DIAPH2: variants seen among roughly 807,000 people sequenced by gnomAD.
DIAPH2 encodes the protein protein diaphanous homolog 2.
A neutral mutation model predicts 92.7 loss-of-function variants in DIAPH2; 35 were observed. The observed-to-expected ratio is 0.38, with a 90% CI of 0.29 to 0.50. DIAPH2 has a LOEUF of 0.50. Among genes scored for constraint, DIAPH2 ranks in the 20% least tolerant of loss-of-function variants. DIAPH2 has a pLI of 0.94. For missense variants in DIAPH2, 701 were observed against 819.5 expected, an observed-to-expected ratio of 0.86 and a Z score of 1.77; for synonymous variants, 301 against 280.4, an observed-to-expected ratio of 1.07 and a Z score of -0.73.
At chrX:97,395,585 C>T (rs921012650) in intron 25 of DIAPH2, among the ~76,000 whole-genome samples, 1 of 111,505 alleles carries the variant, frequency 9.0e-6, no homozygotes, top group South Asian at 3.8e-4. Flanking sequence ...GTTATTTTTT[C>T]CTGTAGCCTA....
At chrX:97,476,990 C>T (rs867421046) in intron 26 of DIAPH2, among the ~76,000 whole-genome samples, 832 of 63,386 alleles carry the variant, frequency 0.013, 17 homozygotes, top group African/African-American at 0.035. Flanking sequence ...TATATACACA[C>T]ACACACACAC....
chrX:97,306,066 C>T (rs907606341), intron 23 of DIAPH2, among the ~76,000 whole-genome samples: 1 of 109,934 alleles, frequency 9.1e-6, no homozygotes, highest in African/African-American at 3.3e-5. Flanking sequence ...AAAAACCTTC[C>T]GTACATCTGG....
intron 4 of DIAPH2, among the ~76,000 whole-genome samples, chrX:96,808,800 A>T (rs1364214842): frequency 8.9e-6 from 1 of 111,737 alleles, no homozygotes; most frequent in Non-Finnish European, 1.9e-5. Context: ...ACTACCTGTA[A>T]GTTCTTTTAC....
intron 24 of DIAPH2, among the ~76,000 whole-genome samples, chrX:97,362,176 G>A (rs1377951597): frequency 9.1e-6 from 1 of 109,690 alleles, no homozygotes. Flanking sequence ...AGGAGGCGGA[G>A]GTTGCAGTGA....
At chrX:97,019,466 C>G (rs1407031380) in intron 17 of DIAPH2, among the ~76,000 whole-genome samples, 1 of 110,437 alleles carries the variant, frequency 9.1e-6, no homozygotes, top group Non-Finnish European at 1.9e-5. Context: ...ACCTCACCAC[C>G]CAATACAAAA....
chrX:96,918,487 G>C lies in DIAPH2; in HGVS notation c.870-22G>C, dbSNP rs770231752. 12 of 1,051,608 alleles carry C rather than the reference G, an allele frequency of 1.1e-5. No homozygotes were observed. The East Asian group carries it at 3.7e-4, about 33-fold the overall frequency. The allele number at this position is 1,051,608 out of a possible 1,213,427, so 86.7% of individuals were successfully genotyped here. Reference sequence around the variant, plus strand: ...TGTATAAGAAGTATTTCTCATTTCTGTTTCTTCTTTTTTCTCTACAGTCTA... The same window carrying C: ...TGTATAAGAAGTATTTCTCATTTCTCTTTCTTCTTTTTTCTCTACAGTCTA... On this transcript the variant is annotated intron_variant, in intron 8 of 26. Coordinates refer to ENST00000324765, the MANE Select transcript of DIAPH2 (RefSeq NM_006729.5).
At chrX:97,510,281 G>T (rs2040543866) in intron 26 of DIAPH2, among the ~76,000 whole-genome samples, 1 of 111,426 alleles carries the variant, frequency 9.0e-6, no homozygotes, top group South Asian at 3.7e-4. Flanking sequence ...ATTTTTTCAT[G>T]TGTCTTTTGG....
chrX:97,234,689 C>A (rs758623074), intron 22 of DIAPH2, among the ~76,000 whole-genome samples: 1 of 111,784 alleles, frequency 8.9e-6, no homozygotes, highest in Admixed American at 9.5e-5. Context: ...ATTTCATATA[C>A]TTTTCATGTG....
intron 19 of DIAPH2, among the ~76,000 whole-genome samples, chrX:97,075,977 T>G (rs966391329): frequency 2.7e-5 from 3 of 111,928 alleles, no homozygotes; most frequent in African/African-American, 9.7e-5. Flanking sequence ...TGTTTAATCT[T>G]TCTAAACCTC....
chrX:96,912,439 A>T (rs947045297), intron 6 of DIAPH2, 37 bp downstream of exon 6: 1 of 1,199,045 alleles, frequency 8.3e-7, no homozygotes, highest in Non-Finnish European at 1.1e-6. Context: ...CACCAAAGGG[A>T]AAATGTTTCA....
rs1176019677 is a variant in DIAPH2, at chrX:96,758,135, T to A, written c.343-19T>A. 8.6e-7 allele frequency: 1 copy of A among 1,158,030 alleles called. No individual in the cohort carries two copies. The highest frequency in any genetic ancestry group is 1.2e-6 in the Non-Finnish European group (1 of 868,743). ...AGTGGAAATTTATCAATGCCCACAGTAAATGTTATCTCTTACAGGAGGACA... is the reference window on the plus strand; with the variant it reads ...AGTGGAAATTTATCAATGCCCACAGAAAATGTTATCTCTTACAGGAGGACA... On this transcript the variant is annotated intron_variant, in intron 3 of 26. Transcript: ENST00000324765.
At position 96,957,857 on chromosome X, in the gene DIAPH2, T is replaced by C. The variant is rs1341191802; in HGVS notation, c.1644T>C (p.Ile548=). 1 of 1,210,477 alleles carries C rather than the reference T, an allele frequency of 8.3e-7. No homozygotes were observed. Among genetic ancestry groups the C allele is most frequent in the South Asian group, 1.8e-5 (1 of 56,864 alleles). The change falls in exon 16 of 27, where the codon ATT becomes ATC. Residue 548 remains isoleucine, a synonymous_variant. Transcript: ENST00000324765. The stretch of plus-strand genomic sequence containing the variant: ...AAGTACTCTCAAGTTCATCAGGAAT[T>C]CCAGGTCCTCCTGCAGCACCTCCAT... ...QAQVLSSSSG[I]PGPPAAPPLP... is the part of the protein sequence containing the mutation.
At chrX:97,343,407 G>A (rs763032788) in intron 23 of DIAPH2, among the ~76,000 whole-genome samples, 1 of 111,914 alleles carries the variant, frequency 8.9e-6, no homozygotes, top group East Asian at 2.8e-4. Flanking sequence ...GGTGGCTCAC[G>A]CCTGTAATCC....
intron 23 of DIAPH2, among the ~76,000 whole-genome samples, chrX:97,253,622 C>T (rs933340552): frequency 2.4e-4 from 26 of 108,233 alleles, no homozygotes; most frequent in Admixed American, 1.2e-3. Context: ...TGGTGGTGCA[C>T]GCCTGTAATC....
At chrX:96,979,876 T>A (rs1162744494) in intron 17 of DIAPH2, among the ~76,000 whole-genome samples, 2 of 111,601 alleles carry the variant, frequency 1.8e-5, no homozygotes, top group Non-Finnish European at 3.8e-5. Context: ...AGCCAGCTGT[T>A]TTGGCTGGCT....
intron 4 of DIAPH2, among the ~76,000 whole-genome samples, chrX:96,820,602 G>A (rs2064771327): frequency 8.9e-6 from 1 of 112,672 alleles, no homozygotes; most frequent in Non-Finnish European, 1.9e-5. Flanking sequence ...ATTTATAGTT[G>A]ATTGGTTTTC....
intron 22 of DIAPH2, among the ~76,000 whole-genome samples, chrX:97,143,232 A>C (rs977349432): frequency 9.0e-6 from 1 of 111,228 alleles, no homozygotes; most frequent in African/African-American, 3.3e-5. Context: ...CATATTTACT[A>C]ACATGTGGCT....
At chrX:97,103,643 CT>C (rs2066920211) in intron 20 of DIAPH2, among the ~76,000 whole-genome samples, 1 of 112,036 alleles carries the variant, frequency 8.9e-6, no homozygotes, top group Admixed American at 9.5e-5. Context: ...CCCGCTACCA[CT>C]TTTGCCCTTC....
intron 22 of DIAPH2, among the ~76,000 whole-genome samples, chrX:97,170,708 TAAG>T (rs1188123038): frequency 9.0e-6 from 1 of 111,566 alleles, no homozygotes; most frequent in Non-Finnish European, 1.9e-5. Flanking sequence ...AGGAAAAACT[TAAG>T]AAAATATTTT....
Sources: gnomAD v4.1 joint callset for allele counts (sites outside exome capture counted in the v4.1 genomes callset) on GRCh38, gnomAD v4.1.1 for gene constraint, MANE v1.5 for transcripts, NCBI Gene and HGNC (gene_info 2026-07-23, HGNC 2026-07-21) for gene names.